RNGTT: variants seen among roughly 807,000 people sequenced by gnomAD.
The protein encoded by RNGTT is mRNA-capping enzyme.
A neutral mutation model predicts 79.3 loss-of-function variants in RNGTT; 33 were observed. The observed-to-expected ratio is 0.42, with a 90% confidence interval of 0.32 to 0.56. The LOEUF (loss-of-function observed/expected upper bound fraction) is 0.56, where lower values mean the gene tolerates loss of function less well. RNGTT is among the 20% of genes least tolerant of loss of function. The probability of loss-of-function intolerance (pLI) is 0.17; values close to 1 mark genes in which losing one functional copy is unlikely to be tolerated. For synonymous variants in RNGTT, 222 were observed against 235.9 expected, an observed-to-expected ratio of 0.94 and a Z score of 0.54; for missense variants, 497 against 739.1, an observed-to-expected ratio of 0.67 and a Z score of 3.80.
At chr6:88,640,546 C>CAA (rs71541174) in intron 14 of RNGTT, among the ~76,000 whole-genome samples, 885 of 67,846 alleles carry the variant, frequency 0.013, 13 homozygotes, top group African/African-American at 0.043. Flanking sequence ...GACCTTGTCT[C>CAA]AAAAAAAAAA....
At chr6:88,629,419 G>A (rs2127768624) in intron 14 of RNGTT, among the ~76,000 whole-genome samples, 1 of 152,232 alleles carries the variant, frequency 6.6e-6, no homozygotes, top group East Asian at 1.9e-4. Context: ...ACATTTAGAA[G>A]TATCTGATTG....
intron 13 of RNGTT, among the ~76,000 whole-genome samples, chr6:88,766,396 C>G (rs1778462523): frequency 6.6e-6 from 1 of 152,016 alleles, no homozygotes; most frequent in South Asian, 2.1e-4. Context: ...GGTTTTAGGT[C>G]ACAAGTTAGT....
intron 8 of RNGTT, among the ~76,000 whole-genome samples, chr6:88,857,084 CT>C (rs1301409458): frequency 6.6e-6 from 1 of 152,086 alleles, no homozygotes; most frequent in Admixed American, 6.6e-5. Context: ...GTATAGACTA[CT>C]TTACTGTAAA....
At chr6:88,946,478 G>A (rs1281513555) in intron 1 of RNGTT, among the ~76,000 whole-genome samples, 1 of 152,104 alleles carries the variant, frequency 6.6e-6, no homozygotes, top group Non-Finnish European at 1.5e-5. Flanking sequence ...CAAGTGAAAT[G>A]AAGAATCATA....
chr6:88,654,756 G>T (rs973703586), intron 14 of RNGTT, among the ~76,000 whole-genome samples: 1 of 152,160 alleles, frequency 6.6e-6, no homozygotes, highest in African/African-American at 2.4e-5. Flanking sequence ...AGCTGGACAA[G>T]TCCTACCCTG....
At chr6:88,787,912 G>A (rs1779284318) in intron 12 of RNGTT, among the ~76,000 whole-genome samples, 1 of 152,206 alleles carries the variant, frequency 6.6e-6, no homozygotes, top group South Asian at 2.1e-4. Context: ...TTAAGTAACT[G>A]CATTTAGTAA....
chr6:88,775,698 C>G (rs1778853472), intron 12 of RNGTT, among the ~76,000 whole-genome samples: 1 of 152,128 alleles, frequency 6.6e-6, no homozygotes, highest in Non-Finnish European at 1.5e-5. Context: ...TTTAAAAGAG[C>G]TTATTAACCA....
chr6:88,704,088 A>G (rs1042883691), intron 13 of RNGTT, among the ~76,000 whole-genome samples: 1 of 151,046 alleles, frequency 6.6e-6, no homozygotes, highest in Non-Finnish European at 1.5e-5. Context: ...TGAAACTCCG[A>G]CTCTACTAAA....
At chr6:88,652,207 G>A (rs1773822184) in intron 14 of RNGTT, among the ~76,000 whole-genome samples, 1 of 152,012 alleles carries the variant, frequency 6.6e-6, no homozygotes, top group South Asian at 2.1e-4. Context: ...ACATATTTTA[G>A]TAAAACTGTC....
intron 1 of RNGTT, among the ~76,000 whole-genome samples, chr6:88,946,685 C>T (rs1345146167): frequency 2.0e-5 from 3 of 151,888 alleles, no homozygotes; most frequent in East Asian, 1.9e-4. Context: ...CCTCTCCCCA[C>T]GGTCTCCCTC....
chr6:88,703,183 A>G (rs1776002795), intron 13 of RNGTT, among the ~76,000 whole-genome samples: 1 of 152,248 alleles, frequency 6.6e-6, no homozygotes, highest in South Asian at 2.1e-4. Flanking sequence ...CATTTGATCC[A>G]GCAATCCCAT....
In RNGTT at chr6:88,654,221, G is replaced by T. The variant is rs184344718; in HGVS notation, c.1506+24132C>A. Among the ~76,000 whole-genome samples, 289 of 152,218 alleles carry T rather than the reference G, an allele frequency of 1.9e-3. 4 individuals are homozygous for T. Among genetic ancestry groups the T allele is most frequent in the African/African-American group, 6.8e-3 (283 of 41,552 alleles). Reference sequence around the variant, plus strand: ...CTTTAACCTTCGTTTACTTTTTGAAGCTATTTTCAACAAAGGGATAAATAC... The same window carrying T: ...CTTTAACCTTCGTTTACTTTTTGAATCTATTTTCAACAAAGGGATAAATAC... On this transcript the variant is annotated intron_variant, in intron 14 of 15. Transcript: ENST00000369485.
At chr6:88,677,768 T>C (rs1484544419) in intron 14 of RNGTT, among the ~76,000 whole-genome samples, 1 of 152,064 alleles carries the variant, frequency 6.6e-6, no homozygotes, top group East Asian at 1.9e-4. Flanking sequence ...TGAGCCACCG[T>C]ACCCGACTTG....
intron 1 of RNGTT, among the ~76,000 whole-genome samples, chr6:88,952,203 T>C (rs575505289): frequency 6.6e-6 from 1 of 152,020 alleles, no homozygotes; most frequent in East Asian, 1.9e-4. Context: ...GCCATAATCC[T>C]CTCTGGAACA....
chr6:88,946,257 CTT>C (rs1785006420), intron 1 of RNGTT, among the ~76,000 whole-genome samples: 1 of 152,022 alleles, frequency 6.6e-6, no homozygotes, highest in Non-Finnish European at 1.5e-5. Context: ...GATCAGTGAT[CTT>C]TGATGTTACA....
intron 8 of RNGTT, among the ~76,000 whole-genome samples, chr6:88,856,735 C>T (rs1210042125): frequency 6.6e-6 from 1 of 151,836 alleles, no homozygotes; most frequent in Non-Finnish European, 1.5e-5. Context: ...TTTTGTTATG[C>T]GATACTAACA....
chr6:88,638,528 T>C (rs979768991), intron 14 of RNGTT, among the ~76,000 whole-genome samples: 1 of 152,158 alleles, frequency 6.6e-6, no homozygotes, highest in African/African-American at 2.4e-5. Flanking sequence ...GTATCTTTGT[T>C]GTGATAAGTT....
chr6:88,853,525 T>TA (rs1781742796), intron 9 of RNGTT, 104 bp downstream of exon 9: 1 of 838,276 alleles, frequency 1.2e-6, no homozygotes, highest in Middle Eastern at 3.7e-4. Context: ...AAAAAAAAGT[T>TA]AGATTTCATT....
chr6:88,806,129 C>G (rs907492228), intron 11 of RNGTT, among the ~76,000 whole-genome samples: 9 of 151,944 alleles, frequency 5.9e-5, no homozygotes, highest in African/African-American at 2.2e-4. Context: ...CGAAAGACGT[C>G]TAATTTAAAA....
Sources: gnomAD v4.1 joint callset for allele counts (sites outside exome capture counted in the v4.1 genomes callset) on GRCh38, gnomAD v4.1.1 for gene constraint, MANE v1.5 for transcripts, NCBI Gene and HGNC (gene_info 2026-07-23, HGNC 2026-07-21) for gene names.